The following STK11IP variants were observed in gnomAD, a reference collection of about 807,000 sequenced individuals.
The protein encoded by STK11IP is serine/threonine kinase 11 interacting protein, also known as serine/threonine-protein kinase 11-interacting protein.
STK11IP carries 103 observed loss-of-function variants against 131.7 expected under a neutral mutation model. The observed-to-expected ratio is 0.78, with a 90% CI of 0.67 to 0.92. The LOEUF (loss-of-function observed/expected upper bound fraction) is 0.92, where lower values mean the gene tolerates loss of function less well. Among genes scored for constraint, STK11IP ranks in the 40% least tolerant of loss-of-function variants. STK11IP has a pLI of 0.00. For missense variants in STK11IP, 1,315 were observed against 1,385.7 expected (o/e 0.95, Z 0.81); for synonymous variants, 557 against 575.6 (o/e 0.97, Z 0.46).
Position 219,609,210 on chromosome 2 carries a change from C to A in STK11IP, c.1923C>A (p.Val641=). The part of the protein sequence containing the change: ...LVLEPDAHAA[V]QELLAVLTPV... ...TGGAGCCTGATGCCCACGCAGCTGTCCAGGTGATGGCGCCCAGAGTGGGGG... is the reference window on the plus strand; with the variant it reads ...TGGAGCCTGATGCCCACGCAGCTGTACAGGTGATGGCGCCCAGAGTGGGGG... Residue 641 remains valine (V), a synonymous_variant, in exon 16 of 25, where the codon GTC becomes GTA. Transcript: ENST00000456909. 6.3e-7 allele frequency: 1 copy of A among 1,599,328 alleles called. No individual in the cohort carries two copies. The highest frequency in any genetic ancestry group is 8.5e-7 in the Non-Finnish European group (1 of 1,172,968).
chr2:219,601,602 G>T, intron 3 of STK11IP, 39 bp from the exon 4 acceptor site: 1 of 1,559,348 alleles, frequency 6.4e-7, no homozygotes, highest in Non-Finnish European at 8.7e-7. Flanking sequence ...AGGAAGATCT[G>T]CTGTGCCTCA....
chr2:219,606,370 G>C, intron 10 of STK11IP, 80 bp downstream of exon 10: 1 of 1,546,204 alleles, frequency 6.5e-7, no homozygotes, highest in Non-Finnish European at 8.8e-7. Context: ...TGCCATCCCT[G>C]GGTGAGGGGC....
intron 19 of STK11IP, among the ~76,000 whole-genome samples, chr2:219,612,892 G>C (rs1042057281): frequency 1.3e-5 from 2 of 152,206 alleles, no homozygotes; most frequent in African/African-American, 4.8e-5. Context: ...GAGCGTGGAG[G>C]GGGTGAGGCG....
chr2:219,608,708 T>G lies in STK11IP; in HGVS notation c.1729T>G (p.Leu577Val), dbSNP rs1698287216. 1 of 1,613,340 alleles carries G rather than the reference T, an allele frequency of 6.2e-7. No individual in the cohort carries two copies. Among genetic ancestry groups the G allele is most frequent in the Admixed American group, 1.7e-5 (1 of 59,982 alleles). The change falls in exon 15 of 25, where the codon TTG (leucine) becomes GTG (valine). Residue 577 changes from leucine (L) to valine (V), a missense_variant. Transcript: ENST00000456909. Reference protein sequence around the residue: ...FEVELQAARTLERLELQSLEA... With the variant: ...FEVELQAARTVERLELQSLEA... ...GGTGGAACTCCAAGCAGCTCGCACC[T>G]TGGAGCGACTGGAGCTCCAGAGTCT...
intron 17 of STK11IP, 120 bp from the exon 18 acceptor site, chr2:219,611,484 A>G: frequency 1.2e-6 from 1 of 837,620 alleles, no homozygotes; most frequent in Non-Finnish European, 2.0e-6. Flanking sequence ...GTGGTTGTGT[A>G]TGAAGCTGGA....
rs1330463368 is a variant in STK11IP, at chr2:219,614,628, A to G, written c.2869+82A>G. 2.2e-6 allele frequency: 3 copies of G among 1,386,066 alleles called. No individual in the cohort carries two copies. In the African/African-American group the frequency reaches 4.3e-5, roughly 20 times the overall value. 85.9% of individuals were successfully genotyped at this position (1,386,066 alleles called of 1,614,324 possible). ...GCACTGGCCCACGCGCAGCACCTGT[A>G]CAGTGCCCTTGCAGCAACTGTCAGT... On this transcript the variant is annotated intron_variant, in intron 23 of 24. Transcript: ENST00000456909.
chr2:219,609,642 G>T, intron 17 of STK11IP, 102 bp downstream of exon 17: 1 of 1,366,752 alleles, frequency 7.3e-7, no homozygotes, highest in East Asian at 2.5e-5. Flanking sequence ...AGGGAGAAGG[G>T]GCTAGAGTGG....
intron 20 of STK11IP, among the ~76,000 whole-genome samples, 153 bp from the exon 21 acceptor site, chr2:219,613,599 G>T (rs1245191960): frequency 7.1e-6 from 1 of 140,528 alleles, no homozygotes; most frequent in East Asian, 2.2e-4. Context: ...GATGGGGTGA[G>T]TGAGGGAGGA....
At chr2:219,598,039 G>T in intron 1 of STK11IP, 55 bp from the exon 2 acceptor site, 2 of 1,568,856 alleles carry the variant, frequency 1.3e-6, no homozygotes, top group Non-Finnish European at 1.7e-6. Context: ...GACGCCCTGG[G>T]CTTTTGGCAC....
chr2:219,613,562 G>A (rs1328295406), intron 20 of STK11IP, among the ~76,000 whole-genome samples, 190 bp from the exon 21 acceptor site: 1 of 97,630 alleles, frequency 1.0e-5, no homozygotes, highest in South Asian at 4.3e-4. Flanking sequence ...GGGTGAGTGA[G>A]GGGGGAGATG....
At position 219,602,013 on chromosome 2, in the gene STK11IP, T is replaced by G. The variant is rs760821894; in HGVS notation, c.368T>G (p.Leu123Arg). The G allele has an allele frequency of 1.2e-6, 2 of 1,611,886 alleles. No homozygotes were observed. The highest frequency in any genetic ancestry group is 1.7e-6 in the Non-Finnish European group (2 of 1,179,170). The change falls in exon 5 of 25, where the codon CTG becomes CGG. Residue 123 changes from leucine (L) to arginine (R), a missense_variant. Physicochemically the swap from Leu to Arg is moderately radical, Grantham distance 102. Coordinates refer to ENST00000456909, the MANE Select transcript of STK11IP (RefSeq NM_052902.4). ...CTCCGAGGTGTTCCCCTCCACTGTC[T>G]GCATGGCCTCCGAGGCATCTACTCC... ...LELRGVPLHC[L>R]HGLRGIYSQL...
chr2:219,601,813 C>A (rs1181388346), intron 4 of STK11IP, 98 bp downstream of exon 4: 1 of 1,339,998 alleles, frequency 7.5e-7, no homozygotes, highest in Non-Finnish European at 1.0e-6. Flanking sequence ...GGAGGCCAGG[C>A]CTGAGTATAC....
chr2:219,605,710 G>C lies in STK11IP; in HGVS notation c.721G>C (p.Gly241Arg). ...TGCTCTGGGGGTCCTGATACTGCGA[G>C]GCAATGAGCTTCGGAGCCTGCATGG... ...GAALGVLILR[G>R]NELRSLHGLE... Residue 241 changes from glycine to arginine, a missense_variant, in exon 8 of 25, where the codon GGC (glycine) becomes CGC (arginine). Coordinates refer to ENST00000456909, the MANE Select transcript of STK11IP (RefSeq NM_052902.4). 1 of 1,591,982 alleles carries C rather than the reference G, an allele frequency of 6.3e-7. No homozygotes were observed. The highest frequency in any genetic ancestry group is 8.6e-7 in the Non-Finnish European group (1 of 1,169,432).
rs1195621799 is a variant in STK11IP, at chr2:219,602,505, C to A, written c.476C>A (p.Ala159Asp). The change falls in exon 6 of 25, where the codon GCC becomes GAC. Residue 159 changes from alanine (A) to aspartate (D), a missense_variant. Transcript: ENST00000456909. ...LSACGGDFCS[A>D]LPWLALLSAN... ...GCCTGCGGCGGCGACTTCTGCTCTG[C>A]CCTCCCTTGGCTGGCTCTGCTTTCT... 1 of 1,613,900 alleles carries A rather than the reference C, an allele frequency of 6.2e-7. No homozygotes were observed. Among genetic ancestry groups the A allele is most frequent in the East Asian group, 2.2e-5 (1 of 44,896 alleles).
rs1698570071 is a variant in STK11IP at position 219,616,423 on chromosome 2, G to T, written c.*230G>T. On this transcript the variant is annotated 3_prime_UTR_variant, in exon 25 of 25. Coordinates refer to ENST00000456909, the MANE Select transcript of STK11IP (RefSeq NM_052902.4). ...AATATTTTTCCTGCACTTTTTCTCA[G>T]GTATCAATAAAGTTGTTTCCAACTC... The T allele has an allele frequency of 3.8e-6, 2 of 530,720 alleles. No individual in the cohort carries two copies. Among genetic ancestry groups the T allele is most frequent in the East Asian group, 6.1e-5 (2 of 32,766 alleles). 32.9% of individuals were successfully genotyped at this position (530,720 alleles called of 1,614,324 possible). A position where few individuals can be genotyped will look rare whatever the true frequency, so the allele number is the denominator to read the frequency against.
At chr2:219,601,499 G>T in intron 3 of STK11IP, 59 bp downstream of exon 3, 1 of 1,590,386 alleles carries the variant, frequency 6.3e-7, no homozygotes, top group East Asian at 2.3e-5. Context: ...GATGGAAGTT[G>T]GGGATAGGGT....
intron 24 of STK11IP, 66 bp downstream of exon 24, chr2:219,615,407 G>A: frequency 6.5e-7 from 1 of 1,546,630 alleles, no homozygotes; most frequent in Non-Finnish European, 8.7e-7. Flanking sequence ...GGGGCCATGA[G>A]GGCAGGGTGG....
At chr2:219,615,385 T>G in intron 24 of STK11IP, 44 bp downstream of exon 24, 36 of 1,572,342 alleles carry the variant, frequency 2.3e-5, no homozygotes, top group Non-Finnish European at 2.8e-5. Context: ...GGGGAGATGG[T>G]GAGCACAGGT....
In STK11IP at chr2:219,613,793, C is replaced by T. The variant is rs755701042; in HGVS notation, c.2579C>T (p.Pro860Leu). Residue 860 changes from proline to leucine, a missense_variant, in exon 21 of 25, where the codon CCC becomes CTC. Physicochemically the swap from Pro to Leu is moderately conservative, Grantham distance 98 (BLOSUM62 -3). Coordinates refer to ENST00000456909, the MANE Select transcript of STK11IP (RefSeq NM_052902.4). Reference sequence around the variant, plus strand: ...TGGCTGCAGCTGACCCTGGCTGTTCCCCTGCAGGATCTGAGTGGCATAGAG... The same window carrying T: ...TGGCTGCAGCTGACCCTGGCTGTTCTCCTGCAGGATCTGAGTGGCATAGAG... ...ASWLQLTLAV[P>L]LQDLSGIELG... is the part of the protein sequence containing the mutation. The T allele has an allele frequency of 1.2e-6, 2 of 1,612,390 alleles. No homozygotes were observed. Among genetic ancestry groups the T allele is most frequent in the Non-Finnish European group, 1.7e-6 (2 of 1,179,686 alleles).
Sources: gnomAD v4.1 joint callset for allele counts (sites outside exome capture counted in the v4.1 genomes callset) on GRCh38, gnomAD v4.1.1 for gene constraint, MANE v1.5 for transcripts, NCBI Gene and HGNC (gene_info 2026-07-23, HGNC 2026-07-21) for gene names.